FRMD4A: variants seen among roughly 807,000 people sequenced by gnomAD.
The protein encoded by FRMD4A is FERM domain-containing protein 4A.
A neutral mutation model predicts 129.1 loss-of-function variants in FRMD4A; 29 were observed. The observed-to-expected ratio is 0.22, with a 90% CI of 0.17 to 0.31. FRMD4A has a LOEUF of 0.31. Ranked by LOEUF, FRMD4A falls within the 10% of genes least tolerant of loss-of-function variation. FRMD4A has a pLI of 1.00. For missense variants in FRMD4A, 1,272 were observed against 1,375.8 expected (o/e 0.92, Z 1.19); for synonymous variants, 634 against 571.6 (o/e 1.11, Z -1.56).
At chr10:14,129,669 C>T (rs1182163084) in intron 2 of FRMD4A, among the ~76,000 whole-genome samples, 2 of 151,890 alleles carry the variant, frequency 1.3e-5, no homozygotes, top group Non-Finnish European at 2.9e-5. Flanking sequence ...TTGCATGGGT[C>T]GCCTTGGGTA....
At chr10:14,104,146 G>GCTGCCATTGAGGTCTACA (rs1381259032) in intron 2 of FRMD4A, among the ~76,000 whole-genome samples, 1 of 151,756 alleles carries the variant, frequency 6.6e-6, no homozygotes, top group African/African-American at 2.4e-5. Flanking sequence ...TTGAGGTTAC[G>GCTGCCATTGAGGTCTACA]CTGCCATTGA....
chr10:14,321,048 T>C (rs543641411), intron 2 of FRMD4A, among the ~76,000 whole-genome samples: 61 of 152,360 alleles, frequency 4.0e-4, no homozygotes, highest in African/African-American at 1.2e-3. Flanking sequence ...CTATTTATTT[T>C]CAATGTGTTA....
intron 2 of FRMD4A, among the ~76,000 whole-genome samples, chr10:13,983,541 T>G (rs2095569756): frequency 6.6e-6 from 1 of 152,098 alleles, no homozygotes; most frequent in African/African-American, 2.4e-5. Context: ...GTAGTATAAT[T>G]TGAGGTAAAT....
At chr10:13,971,801 C>T (rs2095520275) in intron 2 of FRMD4A, 3 of 1,304,312 alleles carry the variant, frequency 2.3e-6, no homozygotes, top group South Asian at 2.5e-5. Context: ...AGCAGCCATG[C>T]CAGCCCCAGA....
chr10:14,325,447 C>T (rs1843235022), intron 2 of FRMD4A, among the ~76,000 whole-genome samples: 1 of 152,228 alleles, frequency 6.6e-6, no homozygotes, highest in South Asian at 2.1e-4. Flanking sequence ...TTGTATTCAA[C>T]CACTCCCCTC....
At chr10:14,066,315 T>C (rs1367638415) in intron 2 of FRMD4A, among the ~76,000 whole-genome samples, 11 of 135,848 alleles carry the variant, frequency 8.1e-5, no homozygotes, top group African/African-American at 2.8e-4. Context: ...TGGTGGGGGG[T>C]GTGGGGGGTG....
At chr10:13,826,550 A>G (rs534346548) in intron 3 of FRMD4A, among the ~76,000 whole-genome samples, 1 of 152,288 alleles carries the variant, frequency 6.6e-6, no homozygotes, top group East Asian at 1.9e-4. Context: ...TGATACGCCC[A>G]GAGACATGGC....
intron 2 of FRMD4A, among the ~76,000 whole-genome samples, chr10:14,150,482 G>C (rs371586259): frequency 6.6e-6 from 1 of 152,084 alleles, no homozygotes; most frequent in African/African-American, 2.4e-5. Context: ...GGGCTGAACT[G>C]TTCTAGATTA....
intron 5 of FRMD4A, among the ~76,000 whole-genome samples, chr10:13,784,329 A>C (rs2092804307): frequency 6.6e-6 from 1 of 152,222 alleles, no homozygotes; most frequent in Non-Finnish European, 1.5e-5. Context: ...TAAAAGAAGA[A>C]GTGGTTCTCT....
intron 3 of FRMD4A, among the ~76,000 whole-genome samples, chr10:13,839,491 A>T (rs1448418665): frequency 6.6e-6 from 1 of 152,216 alleles, no homozygotes; most frequent in Non-Finnish European, 1.5e-5. Context: ...GGGCATCTGT[A>T]GATGTAGTTG....
chr10:14,048,890 TAGAATAGAATAGAAA>T (rs1342760344), intron 2 of FRMD4A, among the ~76,000 whole-genome samples: 12 of 81,290 alleles, frequency 1.5e-4, no homozygotes, highest in African/African-American at 6.2e-4. Flanking sequence ...TAGAATAGAA[TAGAATAGAATAGAAA>T]ATAAAATGAA....
chr10:13,695,427 C>T lies in FRMD4A; in HGVS notation c.976-1388G>A, dbSNP rs1221139971. 1.2e-4 allele frequency among the ~76,000 whole-genome samples: 19 copies of T among 152,316 alleles called. No individual in the cohort carries two copies. The South Asian group carries it at 3.9e-3, about 32-fold the overall frequency. ...AAGTGCTGGGATTACAGGCGTGAGC[C>T]ACCGCGCCTGGCTAAAGCAGTGGTT... On this transcript the variant is annotated intron_variant, in intron 14 of 24. Transcript: ENST00000357447.
At chr10:14,286,726 A>G (rs530206230) in intron 2 of FRMD4A, among the ~76,000 whole-genome samples, 1 of 152,268 alleles carries the variant, frequency 6.6e-6, no homozygotes, top group South Asian at 2.1e-4. Context: ...CATGAGGAGT[A>G]TGAAAACCCT....
chr10:14,295,545 C>G (rs1331223513), intron 2 of FRMD4A, among the ~76,000 whole-genome samples: 1 of 152,164 alleles, frequency 6.6e-6, no homozygotes, highest in East Asian at 1.9e-4. Flanking sequence ...GCACTCAGCT[C>G]ATAGTTTGTG....
chr10:14,159,081 A>T (rs1266700140), intron 2 of FRMD4A, among the ~76,000 whole-genome samples: 1 of 152,148 alleles, frequency 6.6e-6, no homozygotes, highest in Non-Finnish European at 1.5e-5. Flanking sequence ...GAGAGAGGGG[A>T]GCAGCCCGAG....
At chr10:14,279,432 C>G (rs1845447539) in intron 2 of FRMD4A, among the ~76,000 whole-genome samples, 1 of 152,094 alleles carries the variant, frequency 6.6e-6, no homozygotes. Flanking sequence ...CTTCTGACCG[C>G]AAGTGATCCA....
At chr10:14,157,400 G>T (rs909938555) in intron 2 of FRMD4A, among the ~76,000 whole-genome samples, 1 of 152,202 alleles carries the variant, frequency 6.6e-6, no homozygotes, top group Admixed American at 6.5e-5. Context: ...GAATTTAGGA[G>T]GTATTTGGTA....
At chr10:13,693,030 ATTAATTTT>A (rs2085867983) in intron 15 of FRMD4A, 3 of 59,672 alleles carry the variant, frequency 5.0e-5, no homozygotes, top group East Asian at 1.7e-3. Flanking sequence ...CACCTGGCTA[ATTAATTTT>A]TTTTTTTTTT....
At chr10:13,685,388 C>T (rs1248115996) in intron 15 of FRMD4A, 5 of 984,702 alleles carry the variant, frequency 5.1e-6, no homozygotes, top group Admixed American at 1.2e-4. Context: ...AATAACTGAA[C>T]ATTCATTTTA....
Sources: allele counts gnomAD v4.1 joint callset (sites outside exome capture counted in the v4.1 genomes callset), GRCh38; gene constraint gnomAD v4.1.1; transcripts MANE v1.5; gene names NCBI Gene and HGNC (gene_info 2026-07-23, HGNC 2026-07-21).